Variants in ZSWIM6 observed in about 807,000 individuals in gnomAD.
The protein encoded by ZSWIM6 is zinc finger SWIM-type containing 6.
A neutral mutation model predicts 113.2 loss-of-function variants in ZSWIM6; 9 were observed. The observed-to-expected ratio is 0.08, with a 90% CI of 0.05 to 0.14. The LOEUF (loss-of-function observed/expected upper bound fraction) is 0.14. ZSWIM6 is among the 10% of genes least tolerant of loss of function. ZSWIM6 has a pLI of 1.00. For missense variants in ZSWIM6, 1,162 were observed against 1,552.2 expected (o/e 0.75, Z 4.22); for synonymous variants, 611 against 606.5 (o/e 1.01, Z -0.11).
At chr5:61,406,793 GCCTCTGCCTC>G (rs1281070569) in intron 1 of ZSWIM6, among the ~76,000 whole-genome samples, 3 of 151,778 alleles carry the variant, frequency 2.0e-5, no homozygotes, top group Non-Finnish European at 1.5e-5. Context: ...GCTCTCTGCA[GCCTCTGCCTC>G]CCGGGTTCAA....
intron 1 of ZSWIM6, among the ~76,000 whole-genome samples, chr5:61,339,387 T>C (rs1247812803): frequency 6.6e-6 from 1 of 152,144 alleles, no homozygotes; most frequent in Non-Finnish European, 1.5e-5. Flanking sequence ...TACTCCAGCC[T>C]GGGTGACAGA....
intron 1 of ZSWIM6, among the ~76,000 whole-genome samples, chr5:61,464,314 C>T (rs1027978503): frequency 6.6e-6 from 1 of 151,766 alleles, no homozygotes; most frequent in Non-Finnish European, 1.5e-5. Flanking sequence ...AGCCACCATG[C>T]CTTGCCTCCC....
intron 1 of ZSWIM6, among the ~76,000 whole-genome samples, chr5:61,406,928 G>T (rs1028134822): frequency 3.3e-5 from 5 of 152,224 alleles, no homozygotes; most frequent in Non-Finnish European, 5.9e-5. Context: ...GGCCAGGCTG[G>T]TCTCGAACTC....
intron 1 of ZSWIM6, among the ~76,000 whole-genome samples, chr5:61,426,248 G>A (rs999623145): frequency 2.6e-5 from 4 of 152,182 alleles, no homozygotes; most frequent in African/African-American, 9.7e-5. Flanking sequence ...ATACTGAGTT[G>A]TGATACATAT....
chr5:61,364,888 A>G (rs1285861162), intron 1 of ZSWIM6, among the ~76,000 whole-genome samples: 1 of 152,166 alleles, frequency 6.6e-6, no homozygotes, highest in Non-Finnish European at 1.5e-5. Flanking sequence ...AAACATTCAG[A>G]CCATAGCATT....
intron 1 of ZSWIM6, among the ~76,000 whole-genome samples, chr5:61,402,095 A>T (rs987949238): frequency 6.6e-6 from 1 of 152,120 alleles, no homozygotes; most frequent in Admixed American, 6.6e-5. Context: ...CAAGGAAATG[A>T]TTTCTTATCA....
At position 61,472,576 on chromosome 5, in the gene ZSWIM6, T is replaced by C. The variant is rs892538036; in HGVS notation, c.677-105T>C. ...TACTTGAATATAGAGGCTGTCATAT[T>C]TTTTTCTTGCTGCTGTCAAGTCCCA... On this transcript the variant is annotated intron_variant, in intron 1 of 13. Transcript: ENST00000252744. This position sits in a 1 kb window ranked among gnomAD's most constrained non-coding sequence, Gnocchi z 4.1. 3 of 873,730 alleles carry C rather than the reference T, an allele frequency of 3.4e-6. No homozygotes were observed. Among genetic ancestry groups the C allele is most frequent in the Non-Finnish European group, 3.3e-6 (2 of 599,782 alleles). The allele number at this position is 873,730 out of a possible 1,614,324, so 54.1% of individuals were successfully genotyped here.
At chr5:61,406,364 A>G (rs892934682) in intron 1 of ZSWIM6, among the ~76,000 whole-genome samples, 38 of 152,220 alleles carry the variant, frequency 2.5e-4, no homozygotes, top group African/African-American at 8.9e-4. Context: ...TGTGAAGCCT[A>G]GAAATTTTAT....
chr5:61,483,696 G>A lies in ZSWIM6; in HGVS notation c.1034-7090G>A, dbSNP rs1177229101. Among the ~76,000 whole-genome samples the A allele has an allele frequency of 1.0e-4, 15 of 147,664 alleles. No individual in the cohort carries two copies. In the South Asian group the frequency reaches 2.2e-3, roughly 21 times the overall value. ...ATCCTAGCTAACAGGATGAAACCCC[G>A]TCTCTACTAAAAATACAAAAAAAAA... On this transcript the variant is annotated intron_variant, in intron 2 of 13. Coordinates refer to ENST00000252744, the MANE Select transcript of ZSWIM6 (RefSeq NM_020928.2).
chr5:61,368,197 C>T (rs1425583432), intron 1 of ZSWIM6, among the ~76,000 whole-genome samples: 2 of 151,252 alleles, frequency 1.3e-5, no homozygotes, highest in African/African-American at 4.8e-5. Context: ...GTTTAAATAG[C>T]CCAGTGCCCA....
intron 1 of ZSWIM6, among the ~76,000 whole-genome samples, chr5:61,350,682 A>G (rs1275657874): frequency 6.6e-6 from 1 of 152,174 alleles, no homozygotes; most frequent in Admixed American, 6.5e-5. Flanking sequence ...GTAACGTATC[A>G]TTTGCTAATC....
chr5:61,377,994 AAAT>A (rs1745406276), intron 1 of ZSWIM6, among the ~76,000 whole-genome samples: 1 of 152,228 alleles, frequency 6.6e-6, no homozygotes, highest in South Asian at 2.1e-4. Context: ...ACATTGATGA[AAAT>A]AAAAATTTAG....
chr5:61,493,566 A>AC (rs1748237860), intron 3 of ZSWIM6, among the ~76,000 whole-genome samples: 1 of 152,170 alleles, frequency 6.6e-6, no homozygotes, highest in East Asian at 1.9e-4. Context: ...TCTGATGGTA[A>AC]GTACAATCAG....
chr5:61,375,341 G>C (rs1391341687), intron 1 of ZSWIM6: 2 of 1,604,916 alleles, frequency 1.2e-6, no homozygotes, highest in Non-Finnish European at 1.7e-6. Context: ...GAAAAACACA[G>C]AGAGAAATTG....
intron 1 of ZSWIM6, among the ~76,000 whole-genome samples, chr5:61,444,935 A>T (rs1175488125): frequency 6.6e-6 from 1 of 152,106 alleles, no homozygotes; most frequent in Non-Finnish European, 1.5e-5. Context: ...CCTTTTTCGG[A>T]CCTACGAGTC....
chr5:61,369,699 C>T (rs1254920599), intron 1 of ZSWIM6, among the ~76,000 whole-genome samples: 1 of 152,114 alleles, frequency 6.6e-6, no homozygotes, highest in Non-Finnish European at 1.5e-5. Flanking sequence ...CCTTGTATAC[C>T]TCCTCAAGCA....
intron 2 of ZSWIM6, among the ~76,000 whole-genome samples, chr5:61,480,221 C>T (rs901302734): frequency 6.6e-6 from 1 of 152,028 alleles, no homozygotes; most frequent in Admixed American, 6.6e-5. Flanking sequence ...TATTTCTGTA[C>T]ATGAATACGT....
At chr5:61,386,351 C>A (rs1745592548) in intron 1 of ZSWIM6, among the ~76,000 whole-genome samples, 1 of 152,204 alleles carries the variant, frequency 6.6e-6, no homozygotes, top group Admixed American at 6.5e-5. Flanking sequence ...AGGATTAATG[C>A]TTCCTTTAAT....
intron 1 of ZSWIM6, among the ~76,000 whole-genome samples, chr5:61,443,950 T>A (rs531185701): frequency 2.0e-5 from 3 of 152,162 alleles, no homozygotes; most frequent in East Asian, 3.9e-4. Context: ...TTTTAAAAAA[T>A]TTTATTATTA....
Sources: gnomAD v4.1 joint callset for allele counts (sites outside exome capture counted in the v4.1 genomes callset) on GRCh38, gnomAD v4.1.1 for gene constraint, Gnocchi (gnomAD v3.1) non-coding constraint, MANE v1.5 for transcripts, NCBI Gene and HGNC (gene_info 2026-07-23, HGNC 2026-07-21) for gene names.